Variants in CCDC146 observed in about 807,000 individuals in gnomAD.
CCDC146 encodes the protein coiled-coil domain-containing protein 146.
In CCDC146, 92 loss-of-function variants were observed where a neutral mutation model predicts 119.3. That is an observed-to-expected ratio of 0.77 (90% CI 0.65 to 0.92). The LOEUF is 0.92. CCDC146 is among the 40% of genes least tolerant of loss of function. The pLI is 0.00. For missense variants in CCDC146, 1,000 were observed against 1,103.0 expected (o/e 0.91, Z 1.32); for synonymous variants, 372 against 371.8 (o/e 1.00, Z -0.01).
At chr7:77,180,344 T>C (rs964807150) in intron 2 of CCDC146, among the ~76,000 whole-genome samples, 1 of 152,158 alleles carries the variant, frequency 6.6e-6, no homozygotes, top group Non-Finnish European at 1.5e-5. Flanking sequence ...TTGGGTTGCT[T>C]CTACCTCTTG....
At chr7:77,237,121 C>A in intron 3 of CCDC146, 92 bp downstream of exon 3, 1 of 1,030,388 alleles carries the variant, frequency 9.7e-7, no homozygotes, top group Non-Finnish European at 1.5e-6. Context: ...CCCCCATAAG[C>A]AGACCCTGAG....
chr7:77,138,527 T>C (rs1790890729), intron 1 of CCDC146, among the ~76,000 whole-genome samples: 1 of 151,470 alleles, frequency 6.6e-6, no homozygotes, highest in African/African-American at 2.4e-5. Flanking sequence ...AAATCATTGA[T>C]AAGCTGAACT....
intron 8 of CCDC146, 142 bp from the exon 9 acceptor site, chr7:77,261,979 G>C: frequency 1.6e-6 from 1 of 634,984 alleles, no homozygotes; most frequent in Non-Finnish European, 2.7e-6. Context: ...GGATTGCTGG[G>C]TCAAACGGTA....
rs1202315272 is a variant in CCDC146 at position 77,271,494 on chromosome 7, T to TATATATATATATAC, written c.1174-2199_1174-2198insTATATATATATACA. Among the ~76,000 whole-genome samples, 15 of 136,692 alleles carry TATATATATATATAC rather than the reference T, an allele frequency of 1.1e-4. 1 individual carries two copies. Among genetic ancestry groups the TATATATATATATAC allele is most frequent in the African/African-American group, 3.9e-4 (14 of 35,484 alleles). 89.7% of individuals were successfully genotyped at this position (136,692 alleles called of 152,430 possible). A position where few individuals can be genotyped will look rare whatever the true frequency, so the allele number is the denominator to read the frequency against. Reference sequence around the variant, plus strand: ...CCTTTTTATTTTATATATATATATATACACACACACTAATAGGAGATATAT... The same window carrying TATATATATATATAC: ...CCTTTTTATTTTATATATATATATATATATATATATATACACACACACACTAATAGGAGATATAT... On this transcript the variant is annotated intron_variant, in intron 9 of 18. Coordinates refer to ENST00000285871, the MANE Select transcript of CCDC146 (RefSeq NM_020879.3).
chr7:77,147,657 G>A (rs2117436632), intron 1 of CCDC146, among the ~76,000 whole-genome samples: 1 of 152,314 alleles, frequency 6.6e-6, no homozygotes, highest in South Asian at 2.1e-4. Flanking sequence ...AGGTCTGTTG[G>A]AGTTTGCTGG....
intron 9 of CCDC146, among the ~76,000 whole-genome samples, chr7:77,270,250 G>A (rs1172520462): frequency 1.3e-5 from 2 of 151,764 alleles, no homozygotes; most frequent in Non-Finnish European, 1.5e-5. Context: ...ATGCCTGGAA[G>A]AACAGACACC....
intron 2 of CCDC146, chr7:77,197,057 G>A (rs1791886798): frequency 1.1e-6 from 1 of 913,484 alleles, no homozygotes; most frequent in African/African-American, 1.7e-5. Context: ...TTCTTTATAT[G>A]TACAAAAGCA....
chr7:77,230,816 G>C (rs1186053105), intron 2 of CCDC146, among the ~76,000 whole-genome samples: 2 of 151,814 alleles, frequency 1.3e-5, no homozygotes, highest in Non-Finnish European at 1.5e-5. Context: ...TTTTTCTCTA[G>C]TTCTCCCATT....
intron 16 of CCDC146, 97 bp downstream of exon 16, chr7:77,287,023 T>C: frequency 7.7e-7 from 1 of 1,301,032 alleles, no homozygotes. Flanking sequence ...GACAGACCTA[T>C]CCTTCATTAT....
At chr7:77,135,802 A>G (rs1000218014) in intron 1 of CCDC146, among the ~76,000 whole-genome samples, 7 of 152,260 alleles carry the variant, frequency 4.6e-5, no homozygotes, top group Non-Finnish European at 1.0e-4. Flanking sequence ...CATATAAATT[A>G]AAAGTAAATG....
At chr7:77,160,036 C>T (rs1791234904) in intron 1 of CCDC146, among the ~76,000 whole-genome samples, 1 of 152,182 alleles carries the variant, frequency 6.6e-6, no homozygotes, top group Non-Finnish European at 1.5e-5. Flanking sequence ...ATCCTTTCCC[C>T]ATTGCTTGTT....
intron 3 of CCDC146, among the ~76,000 whole-genome samples, chr7:77,238,426 C>CT (rs905756436): frequency 6.6e-6 from 1 of 150,942 alleles, no homozygotes; most frequent in Non-Finnish European, 1.5e-5. Context: ...GATAGCTCTT[C>CT]TTTTTTTTTA....
chr7:77,261,846 T>C (rs1395686255), intron 8 of CCDC146, among the ~76,000 whole-genome samples: 1 of 152,242 alleles, frequency 6.6e-6, no homozygotes, highest in Non-Finnish European at 1.5e-5. Flanking sequence ...TGGTCTACCA[T>C]TGATGGGCAT....
rs750935456 is a variant in CCDC146, at chr7:77,279,032, TAAAAG to T, written c.1629_1633del (p.Glu544AlafsTer2). ...AAAGCTCATCAGAAAGTAAATGAAA[TAAAAG>T]AAAGGCATAAAATGTCATTAAATGA... is the stretch of plus-strand genomic sequence containing the variant. On this transcript the variant is annotated frameshift_variant, in exon 13 of 19. Transcript: ENST00000285871. LOFTEE classifies it high-confidence loss of function. 17 of 1,609,328 alleles carry T rather than the reference TAAAAG, an allele frequency of 1.1e-5. No homozygotes were observed. The highest frequency in any genetic ancestry group is 1.4e-5 in the Non-Finnish European group (17 of 1,177,682).
intron 5 of CCDC146, chr7:77,255,572 T>C (rs1474035412): frequency 6.6e-6 from 1 of 152,196 alleles, no homozygotes; most frequent in African/African-American, 2.4e-5. Context: ...TGAATTTTCA[T>C]TCAGATCCTA....
chr7:77,187,415 A>T (rs1191559587), intron 2 of CCDC146, among the ~76,000 whole-genome samples: 3 of 152,214 alleles, frequency 2.0e-5, no homozygotes, highest in Non-Finnish European at 4.4e-5. Context: ...GTTGGGGCCT[A>T]GTACATAAGC....
In CCDC146 at chr7:77,262,209, C is replaced by T. The variant is rs776373182; in HGVS notation, c.1075C>T (p.Arg359Ter). Residue 359 changes from arginine to a stop codon, truncating the protein, a stop_gained, in exon 9 of 19, where the codon CGA (arginine) becomes TGA (stop). Transcript: ENST00000285871. LOFTEE classifies it high-confidence loss of function. Reference sequence around the variant, plus strand: ...TTCTCGTAAGCAAAGAGAGAAAGAACGAGATTTTCGAAATTTAAGAAAGAT... The same window carrying T: ...TTCTCGTAAGCAAAGAGAGAAAGAATGAGATTTTCGAAATTTAAGAAAGAT... ...ELSRKQREKE[R>*]DFRNLRKMEL... 15 of 1,613,768 alleles carry T rather than the reference C, an allele frequency of 9.3e-6. No individual in the cohort carries two copies. The highest frequency in any genetic ancestry group is 5.0e-5 in the Admixed American group (3 of 59,972).
chr7:77,141,424 G>T lies in CCDC146; in HGVS notation c.-12+18692G>T, dbSNP rs1193783377. Among the ~76,000 whole-genome samples the T allele has an allele frequency of 2.0e-5, 3 of 152,208 alleles. No homozygotes were observed. The East Asian group carries it at 5.8e-4, about 29-fold the overall frequency. Reference sequence around the variant, plus strand: ...AGTAGAATGACTTATAATCCTTTGGGTATATACCCAGTAATGGGATTGCTG... The same window carrying T: ...AGTAGAATGACTTATAATCCTTTGGTTATATACCCAGTAATGGGATTGCTG... On this transcript the variant is annotated intron_variant, in intron 1 of 18. Transcript: ENST00000285871.
intron 1 of CCDC146, among the ~76,000 whole-genome samples, chr7:77,153,066 A>G (rs112158875): frequency 0.011 from 1,715 of 152,218 alleles, 28 homozygotes; most frequent in African/African-American, 0.039. Context: ...AGTTCTTTCC[A>G]TTACCCCATG....
Sources: allele counts gnomAD v4.1 joint callset (sites outside exome capture counted in the v4.1 genomes callset), GRCh38; gene constraint gnomAD v4.1.1; transcripts MANE v1.5; gene names NCBI Gene and HGNC (gene_info 2026-07-23, HGNC 2026-07-21).